The following TYW1B variants were observed in gnomAD, a reference collection of about 807,000 sequenced individuals.
The protein encoded by TYW1B is S-adenosyl-L-methionine-dependent tRNA 4-demethylwyosine synthase TYW1B.
A neutral mutation model predicts 86.9 loss-of-function variants in TYW1B; 73 were observed. That is an observed-to-expected ratio of 0.84 (90% CI 0.70 to 1.02). The LOEUF is 1.02. TYW1B is among the 50% of genes least tolerant of loss of function. The pLI, the probability that TYW1B is intolerant of heterozygous loss-of-function variation, is 0.00. For missense variants in TYW1B, 637 were observed against 827.4 expected, an observed-to-expected ratio of 0.77 and a Z score of 2.82; for synonymous variants, 248 against 292.8, an observed-to-expected ratio of 0.85 and a Z score of 1.56.
At chr7:72,631,478 C>T (rs1160040158) in intron 11 of TYW1B, among the ~76,000 whole-genome samples, 1 of 152,156 alleles carries the variant, frequency 6.6e-6, no homozygotes, top group Non-Finnish European at 1.5e-5. Context: ...TGCACCACTG[C>T]ACTCCAGCCT....
chr7:72,794,599 CA>C (rs1279403290), intron 6 of TYW1B, among the ~76,000 whole-genome samples: 1 of 151,644 alleles, frequency 6.6e-6, no homozygotes, highest in Non-Finnish European at 1.5e-5. Flanking sequence ...AAAATGGGCT[CA>C]AAAAAGAAGG....
At chr7:72,778,481 G>A (rs1279215742) in intron 6 of TYW1B, among the ~76,000 whole-genome samples, 3 of 152,048 alleles carry the variant, frequency 2.0e-5, no homozygotes, top group Admixed American at 2.0e-4. Context: ...ACAGAGTCTC[G>A]CTTTGTCGCC....
chr7:72,715,943 GTTTT>G (rs1346096750), intron 9 of TYW1B, among the ~76,000 whole-genome samples: 3 of 152,000 alleles, frequency 2.0e-5, no homozygotes, highest in Non-Finnish European at 4.4e-5. Flanking sequence ...TTGTTTGTTT[GTTTT>G]TGAGATGGAG....
chr7:72,731,156 A>C (rs1392007585), intron 8 of TYW1B, among the ~76,000 whole-genome samples: 1 of 150,244 alleles, frequency 6.7e-6, no homozygotes, highest in African/African-American at 2.4e-5. Context: ...AAGACCACCA[A>C]GCAAAACTAT....
At chr7:72,626,176 T>C (rs1812345250) in intron 12 of TYW1B, among the ~76,000 whole-genome samples, 1 of 151,266 alleles carries the variant, frequency 6.6e-6, no homozygotes, top group African/African-American at 2.4e-5. Context: ...TGACCAGAGA[T>C]AAAATGTTAC....
At chr7:72,711,811 T>G (rs1283237137) in intron 10 of TYW1B, among the ~76,000 whole-genome samples, 1 of 151,306 alleles carries the variant, frequency 6.6e-6, no homozygotes, top group African/African-American at 2.4e-5. Context: ...AATCTTATAC[T>G]TTATTGGCCA....
intron 13 of TYW1B, among the ~76,000 whole-genome samples, chr7:72,603,873 T>C (rs1347290950): frequency 6.6e-6 from 1 of 151,704 alleles, no homozygotes. Flanking sequence ...TCATCAAAAA[T>C]AAGGAAAGTC....
chr7:72,666,858 C>T (rs1209495404), intron 11 of TYW1B, among the ~76,000 whole-genome samples: 3 of 151,534 alleles, frequency 2.0e-5, no homozygotes, highest in Non-Finnish European at 4.4e-5. Context: ...AGTGAAACCC[C>T]ATCTCTACTA....
chr7:72,644,992 T>C (rs1812892999), intron 11 of TYW1B, among the ~76,000 whole-genome samples: 1 of 152,108 alleles, frequency 6.6e-6, no homozygotes, highest in African/African-American at 2.4e-5. Flanking sequence ...CAGGCCCGGC[T>C]AATTTTTTGT....
At chr7:72,796,829 A>G (rs559475619) in intron 6 of TYW1B, among the ~76,000 whole-genome samples, 126 of 151,554 alleles carry the variant, frequency 8.3e-4, no homozygotes, top group African/African-American at 2.9e-3. Context: ...CTGCGGCACA[A>G]TAAAGAATAT....
chr7:72,634,932 C>A (rs1554440531), intron 11 of TYW1B, among the ~76,000 whole-genome samples: 2 of 152,158 alleles, frequency 1.3e-5, no homozygotes, highest in Non-Finnish European at 2.9e-5. Context: ...CACTTTATGG[C>A]TTCCTTTTTT....
intron 11 of TYW1B, among the ~76,000 whole-genome samples, chr7:72,632,422 TAAAA>T (rs1563038851): frequency 1.0e-4 from 11 of 109,612 alleles, no homozygotes; most frequent in Non-Finnish European, 1.9e-4. Context: ...CATATATATA[TAAAA>T]TATATATATA....
rs551665923 is a variant in TYW1B, at chr7:72,813,536, C to T, written c.237+1844G>A. 2.0e-4 allele frequency among the ~76,000 whole-genome samples: 31 copies of T among 152,306 alleles called. 1 individual carries two copies. Among genetic ancestry groups the T allele is most frequent in the African/African-American group, 7.2e-4 (30 of 41,570 alleles). The stretch of plus-strand genomic sequence containing the variant: ...CACCAGGAGCATTGTTTAAGCTCTA[C>T]AGTGCAGCCAGGCTAAGACCTGAGA... On this transcript the variant is annotated intron_variant, in intron 3 of 13. Transcript: ENST00000620995.
At chr7:72,630,097 G>A (rs1425146946) in intron 11 of TYW1B, among the ~76,000 whole-genome samples, 3 of 151,978 alleles carry the variant, frequency 2.0e-5, no homozygotes, top group Non-Finnish European at 2.9e-5. Flanking sequence ...TGGCCAACAT[G>A]GTGAAACCCC....
chr7:72,821,708 T>C (rs112482758), intron 2 of TYW1B, among the ~76,000 whole-genome samples: 4 of 152,298 alleles, frequency 2.6e-5, no homozygotes, highest in African/African-American at 7.2e-5. Context: ...CAGAATCTGC[T>C]GACAAACTGG....
intron 13 of TYW1B, among the ~76,000 whole-genome samples, chr7:72,582,839 A>T (rs1199483942): frequency 6.6e-6 from 1 of 152,224 alleles, no homozygotes; most frequent in Non-Finnish European, 1.5e-5. Flanking sequence ...AGAAATCTAG[A>T]TGAAGAAAAT....
At chr7:72,625,896 C>A (rs1430595221) in intron 12 of TYW1B, among the ~76,000 whole-genome samples, 3 of 71,378 alleles carry the variant, frequency 4.2e-5, no homozygotes, top group Admixed American at 1.7e-4. Context: ...AGAGGTGGGG[C>A]GGGGGGGGGG....
At position 72,730,148 on chromosome 7, in the gene TYW1B, C is replaced by T. The variant is rs573842759; in HGVS notation, c.1083-1217G>A. ...ACTGTTATACCAGATGTGCAGATAC[C>T]AATGTAGTAAAAAACAAAAACATGA... is the stretch of plus-strand genomic sequence containing the variant. On this transcript the variant is annotated intron_variant, in intron 8 of 13. Coordinates refer to ENST00000620995, the MANE Select transcript of TYW1B (RefSeq NM_001145440.3). Among the ~76,000 whole-genome samples, 7 of 151,988 alleles carry T rather than the reference C, an allele frequency of 4.6e-5. No homozygotes were observed. In the East Asian group the frequency reaches 1.4e-3, roughly 29 times the overall value.
intron 7 of TYW1B, chr7:72,768,740 T>C (rs1470580999): frequency 6.5e-6 from 1 of 153,808 alleles, no homozygotes; most frequent in African/African-American, 2.5e-5. Flanking sequence ...TGAGCCGAGA[T>C]TGCGCCACTG....
Sources: gnomAD v4.1 joint callset for allele counts (sites outside exome capture counted in the v4.1 genomes callset) on GRCh38, gnomAD v4.1.1 for gene constraint, MANE v1.5 for transcripts, NCBI Gene and HGNC (gene_info 2026-07-23, HGNC 2026-07-21) for gene names.